Variants in CNTNAP2 observed in about 807,000 individuals in gnomAD.
The protein encoded by CNTNAP2 is contactin-associated protein-like 2.
A neutral mutation model predicts 155.2 loss-of-function variants in CNTNAP2; 98 were observed. The ratio of observed to expected loss-of-function variants is 0.63; its 90% CI spans 0.54 to 0.75. The LOEUF (loss-of-function observed/expected upper bound fraction) is 0.75, where lower values mean the gene tolerates loss of function less well. Among genes scored for constraint, CNTNAP2 ranks in the 30% least tolerant of loss-of-function variants. CNTNAP2 has a pLI of 0.00. For synonymous variants in CNTNAP2, 651 were observed against 631.2 expected, an observed-to-expected ratio of 1.03 and a Z score of -0.47; for missense variants, 1,727 against 1,688.1, an observed-to-expected ratio of 1.02 and a Z score of -0.40.
chr7:146,811,833 T>C (rs1803072295), intron 2 of CNTNAP2, among the ~76,000 whole-genome samples: 1 of 152,280 alleles, frequency 6.6e-6, no homozygotes, highest in African/African-American at 2.4e-5. Flanking sequence ...TCATGAGATC[T>C]GATGGTTTTA....
At chr7:146,245,364 T>C (rs1162695076) in intron 1 of CNTNAP2, among the ~76,000 whole-genome samples, 1 of 152,064 alleles carries the variant, frequency 6.6e-6, no homozygotes, top group East Asian at 1.9e-4. Context: ...GCGTCAGCTA[T>C]GAGGAAGAAA....
At chr7:146,142,630 A>C (rs1474633919) in intron 1 of CNTNAP2, among the ~76,000 whole-genome samples, 1 of 152,222 alleles carries the variant, frequency 6.6e-6, no homozygotes, top group Non-Finnish European at 1.5e-5. Context: ...ACTTATGAGC[A>C]GAAAACAAAC....
At chr7:148,137,053 A>G (rs1804968334) in intron 16 of CNTNAP2, among the ~76,000 whole-genome samples, 1 of 152,204 alleles carries the variant, frequency 6.6e-6, no homozygotes, top group Non-Finnish European at 1.5e-5. Context: ...GATGCTGTGA[A>G]GTGATTTCTG....
At chr7:146,168,984 C>T (rs1420819672) in intron 1 of CNTNAP2, among the ~76,000 whole-genome samples, 1 of 152,200 alleles carries the variant, frequency 6.6e-6, no homozygotes, top group Non-Finnish European at 1.5e-5. Flanking sequence ...GCCGCAGTGG[C>T]CTTTTTCCAG....
intron 3 of CNTNAP2, among the ~76,000 whole-genome samples, chr7:146,957,393 G>A (rs570673938): frequency 6.6e-6 from 1 of 152,142 alleles, no homozygotes; most frequent in African/African-American, 2.4e-5. Context: ...TGACTGCAAC[G>A]TTATGTGGCA....
chr7:147,140,981 A>G (rs759323966), intron 8 of CNTNAP2, among the ~76,000 whole-genome samples: 9 of 152,118 alleles, frequency 5.9e-5, no homozygotes, highest in Non-Finnish European at 1.0e-4. Flanking sequence ...TAAGATTATG[A>G]TGACAACTGT....
At chr7:147,365,545 A>G (rs1464259036) in intron 9 of CNTNAP2, among the ~76,000 whole-genome samples, 3 of 152,016 alleles carry the variant, frequency 2.0e-5, no homozygotes, top group Non-Finnish European at 2.9e-5. Context: ...ATCTTTTTGA[A>G]TGTTATAACT....
chr7:147,733,134 T>G (rs1796774445), intron 13 of CNTNAP2, among the ~76,000 whole-genome samples: 1 of 152,248 alleles, frequency 6.6e-6, no homozygotes, highest in African/African-American at 2.4e-5. Flanking sequence ...TGGTATTGCC[T>G]AGGTTTTCTT....
chr7:147,607,054 CA>C (rs1801082415), intron 12 of CNTNAP2, among the ~76,000 whole-genome samples: 1 of 152,054 alleles, frequency 6.6e-6, no homozygotes, highest in Admixed American at 6.5e-5. Flanking sequence ...TTTCTTTCTC[CA>C]AAAAGCTATT....
At chr7:146,473,713 T>C (rs930891789) in intron 1 of CNTNAP2, among the ~76,000 whole-genome samples, 2 of 152,332 alleles carry the variant, frequency 1.3e-5, no homozygotes, top group African/African-American at 4.8e-5. Context: ...GCATTTGTTT[T>C]TGTGATACAA....
intron 1 of CNTNAP2, among the ~76,000 whole-genome samples, chr7:146,279,640 T>A (rs1266329011): frequency 6.6e-6 from 1 of 151,954 alleles, no homozygotes; most frequent in Non-Finnish European, 1.5e-5. Flanking sequence ...TCCACATGAA[T>A]AAGACATAAA....
chr7:146,329,017 A>G (rs1381327984), intron 1 of CNTNAP2, among the ~76,000 whole-genome samples: 1 of 152,218 alleles, frequency 6.6e-6, no homozygotes, highest in Non-Finnish European at 1.5e-5. Context: ...GCTCTTCAAG[A>G]CACTGATTTT....
At chr7:147,143,283 A>G (rs1801637677) in intron 8 of CNTNAP2, among the ~76,000 whole-genome samples, 1 of 152,148 alleles carries the variant, frequency 6.6e-6, no homozygotes, top group African/African-American at 2.4e-5. Flanking sequence ...TTCCCATTCA[A>G]CAATCTTTCA....
intron 15 of CNTNAP2, among the ~76,000 whole-genome samples, chr7:148,065,503 T>C (rs1271013801): frequency 6.6e-6 from 1 of 152,196 alleles, no homozygotes; most frequent in Non-Finnish European, 1.5e-5. Context: ...TATTGTGATA[T>C]TTTCCTGTTG....
At chr7:146,964,527 G>T (rs1373746220) in intron 3 of CNTNAP2, among the ~76,000 whole-genome samples, 1 of 152,144 alleles carries the variant, frequency 6.6e-6, no homozygotes, top group Non-Finnish European at 1.5e-5. Context: ...CTGACAAGGT[G>T]ATATTAAGAT....
chr7:146,432,225 G>A (rs904468579), intron 1 of CNTNAP2, among the ~76,000 whole-genome samples: 2 of 152,090 alleles, frequency 1.3e-5, no homozygotes, highest in African/African-American at 2.4e-5. Flanking sequence ...ATCAAGGAAT[G>A]ATGTGTTTCC....
intron 11 of CNTNAP2, among the ~76,000 whole-genome samples, chr7:147,553,315 A>G (rs965387829): frequency 5.9e-5 from 9 of 152,222 alleles, no homozygotes; most frequent in African/African-American, 1.7e-4. Flanking sequence ...GGAGAAAACC[A>G]TTAAATGATC....
chr7:147,152,146 T>C (rs1318108630), intron 8 of CNTNAP2, among the ~76,000 whole-genome samples: 1 of 152,104 alleles, frequency 6.6e-6, no homozygotes, highest in African/African-American at 2.4e-5. Flanking sequence ...CAATGACTCA[T>C]GTACATAGGG....
intron 8 of CNTNAP2, among the ~76,000 whole-genome samples, chr7:147,186,722 C>A (rs1204207204): frequency 6.6e-6 from 1 of 152,110 alleles, no homozygotes; most frequent in Non-Finnish European, 1.5e-5. Context: ...CAAAAACTGT[C>A]CACGTAGAGA....
Sources: gnomAD v4.1 joint callset for allele counts (sites outside exome capture counted in the v4.1 genomes callset) on GRCh38, gnomAD v4.1.1 for gene constraint, MANE v1.5 for transcripts, NCBI Gene and HGNC (gene_info 2026-07-23, HGNC 2026-07-21) for gene names.